Variants in EGFLAM observed in about 807,000 individuals in gnomAD.
EGFLAM encodes the protein pikachurin.
Under a neutral mutation model 113.1 loss-of-function variants are expected in EGFLAM, and 79 were observed. The ratio of observed to expected loss-of-function variants is 0.70; its 90% CI spans 0.58 to 0.84. The LOEUF (loss-of-function observed/expected upper bound fraction) is 0.84. Ranked by LOEUF, EGFLAM falls within the 40% of genes least tolerant of loss-of-function variation. The pLI, the probability that EGFLAM is intolerant of heterozygous loss-of-function variation, is 0.00. For missense variants in EGFLAM, 1,265 were observed against 1,291.6 expected (o/e 0.98, Z 0.32); for synonymous variants, 504 against 487.6 (o/e 1.03, Z -0.44).
rs1210411002 is a variant in EGFLAM, at chr5:38,463,856, A to G, written c.2900A>G (p.His967Arg). The change falls in exon 22 of 22, where the codon CAC becomes CGC. Residue 967 changes from histidine (H) to arginine (R), a missense_variant. Physicochemically the swap from His to Arg is conservative, Grantham distance 29. Transcript: ENST00000322350. The part of the protein sequence containing the change: ...YVGGMKEIAL[H>R]TNRQYMRGLV... Reference sequence around the variant, plus strand: ...GGTGGAATGAAGGAAATTGCTCTGCACACTAACAGGCAATATATGAGAGGG... The same window carrying G: ...GGTGGAATGAAGGAAATTGCTCTGCGCACTAACAGGCAATATATGAGAGGG... 11 of 1,613,920 alleles carry G rather than the reference A, an allele frequency of 6.8e-6. No individual in the cohort carries two copies. Among genetic ancestry groups the G allele is most frequent in the Admixed American group, 1.7e-5 (1 of 60,004 alleles).
At chr5:38,424,919 A>G in intron 12 of EGFLAM, 48 bp from the exon 13 acceptor site, 1 of 1,605,624 alleles carries the variant, frequency 6.2e-7, no homozygotes, top group Non-Finnish European at 8.5e-7. Flanking sequence ...ACTGTGTTGG[A>G]CTGGCACACA....
At chr5:38,278,902 C>A (rs1300104848) in intron 1 of EGFLAM, among the ~76,000 whole-genome samples, 2 of 151,822 alleles carry the variant, frequency 1.3e-5, no homozygotes, top group Non-Finnish European at 2.9e-5. Context: ...TCAAAGGGAA[C>A]AAACATTCAA....
chr5:38,438,185 G>T, intron 16 of EGFLAM, 90 bp from the exon 17 acceptor site: 1 of 1,390,626 alleles, frequency 7.2e-7, no homozygotes, highest in Non-Finnish European at 9.7e-7. Flanking sequence ...CTCCCTATGT[G>T]TAGCTCAGGT....
chr5:38,446,365 C>T (rs1000653919), intron 17 of EGFLAM, among the ~76,000 whole-genome samples: 2 of 152,068 alleles, frequency 1.3e-5, no homozygotes, highest in Non-Finnish European at 2.9e-5. Flanking sequence ...TGCCTTCTCT[C>T]CCGGTTGTCT....
intron 1 of EGFLAM, among the ~76,000 whole-genome samples, chr5:38,277,121 C>T (rs527495073): frequency 6.6e-6 from 1 of 152,224 alleles, no homozygotes; most frequent in Admixed American, 6.5e-5. Flanking sequence ...AGAAAGAAAA[C>T]TACAGGCCAA....
At position 38,448,256 on chromosome 5, in the gene EGFLAM, A is replaced by G. The variant is rs139695630; in HGVS notation, c.2465-45A>G. Reference sequence around the variant, plus strand: ...GCCATGTGTGTGAGTGCAGGGGTCAAGAGAACCACATACTATGTAACCTCC... The same window carrying G: ...GCCATGTGTGTGAGTGCAGGGGTCAGGAGAACCACATACTATGTAACCTCC... On this transcript the variant is annotated intron_variant, in intron 17 of 21. Transcript: ENST00000322350. The G allele has an allele frequency of 1.3e-3, 2,020 of 1,607,898 alleles. 17 individuals carry two copies. In the African/African-American group the frequency reaches 0.02, roughly 16 times the overall value.
At chr5:38,336,818 A>G (rs935854847) in intron 1 of EGFLAM, among the ~76,000 whole-genome samples, 4 of 151,254 alleles carry the variant, frequency 2.6e-5, no homozygotes, top group Admixed American at 6.6e-5. Flanking sequence ...GTATAGAAAC[A>G]CACACACGTA....
intron 5 of EGFLAM, among the ~76,000 whole-genome samples, chr5:38,356,051 C>T (rs749947393): frequency 1.6e-4 from 25 of 152,214 alleles, no homozygotes; most frequent in South Asian, 4.1e-4. Context: ...TGAGCCACTG[C>T]GCCTGGCTTC....
At chr5:38,345,123 A>G (rs1275253076) in intron 3 of EGFLAM, among the ~76,000 whole-genome samples, 1 of 152,178 alleles carries the variant, frequency 6.6e-6, no homozygotes, top group Non-Finnish European at 1.5e-5. Context: ...GATAATTAGA[A>G]CCGTATAAAG....
intron 17 of EGFLAM, 94 bp downstream of exon 17, chr5:38,438,549 A>G: frequency 1.6e-6 from 2 of 1,230,432 alleles, no homozygotes; most frequent in South Asian, 4.0e-5. Context: ...AAGAGTTGTA[A>G]CAGTGGTACA....
intron 1 of EGFLAM, among the ~76,000 whole-genome samples, chr5:38,298,360 A>G (rs1458680100): frequency 1.3e-5 from 2 of 152,132 alleles, no homozygotes; most frequent in Non-Finnish European, 2.9e-5. Flanking sequence ...AAGATGTAAA[A>G]CATCTCAGCT....
rs150293232 is a variant in EGFLAM at position 38,367,221 on chromosome 5, G to C, written c.546-3075G>C. The stretch of plus-strand genomic sequence containing the variant: ...GAGTACATTGGTGCAATCATAGCTC[G>C]CAGCAGCCTCAACCTCCCAAGCTCA... On this transcript the variant is annotated intron_variant, in intron 5 of 21. Coordinates refer to ENST00000322350, the MANE Select transcript of EGFLAM (RefSeq NM_152403.4). Among the ~76,000 whole-genome samples, 20 of 151,356 alleles carry C rather than the reference G, an allele frequency of 1.3e-4. No individual in the cohort carries two copies. In the East Asian group the frequency reaches 3.9e-3, roughly 29 times the overall value.
At chr5:38,428,788 C>T (rs1205049140) in intron 14 of EGFLAM, among the ~76,000 whole-genome samples, 1 of 152,206 alleles carries the variant, frequency 6.6e-6, no homozygotes, top group Non-Finnish European at 1.5e-5. Flanking sequence ...TTATTTTTGA[C>T]ACGAGGTGCT....
At position 38,286,743 on chromosome 5, in the gene EGFLAM, T is replaced by C. The variant is rs898290522; in HGVS notation, c.97+27892T>C. On this transcript the variant is annotated intron_variant, in intron 1 of 21. Transcript: ENST00000322350. ...CTGGATTGAATATCTGAGTTTGGGA[T>C]ACTTTGCCATCGGCACCATCTTGCT... is the stretch of plus-strand genomic sequence containing the variant. 2.0e-5 allele frequency among the ~76,000 whole-genome samples: 3 copies of C among 152,366 alleles called. No individual in the cohort carries two copies. The South Asian group carries it at 6.2e-4, about 32-fold the overall frequency.
intron 6 of EGFLAM, among the ~76,000 whole-genome samples, chr5:38,393,848 G>A (rs1740880934): frequency 6.6e-6 from 1 of 152,252 alleles, no homozygotes; most frequent in African/African-American, 2.4e-5. Flanking sequence ...GGGTCAGGGT[G>A]GCGGCCCCGG....
intron 15 of EGFLAM, among the ~76,000 whole-genome samples, chr5:38,434,590 G>A (rs1000426754): frequency 6.6e-6 from 1 of 152,212 alleles, no homozygotes; most frequent in African/African-American, 2.4e-5. Context: ...GCTCTCAAAT[G>A]TAAGGATTTC....
chr5:38,432,073 A>C (rs1261431665), intron 15 of EGFLAM, among the ~76,000 whole-genome samples: 1 of 152,302 alleles, frequency 6.6e-6, no homozygotes, highest in Middle Eastern at 3.4e-3. Flanking sequence ...GATTTGCTTT[A>C]AACTATAGCC....
chr5:38,417,933 A>G (rs56070719), intron 11 of EGFLAM, 133 bp from the exon 12 acceptor site: 104,021 of 906,696 alleles, frequency 0.11, 6,801 homozygotes, highest in East Asian at 0.22. Flanking sequence ...AAGGTCTTAA[A>G]GATAAATACA....
chr5:38,355,335 A>G (rs1451009124), intron 5 of EGFLAM, among the ~76,000 whole-genome samples: 1 of 152,140 alleles, frequency 6.6e-6, no homozygotes, highest in Non-Finnish European at 1.5e-5. Context: ...TAACTCCTCC[A>G]CATTTTATGA....
Sources: gnomAD v4.1 joint callset for allele counts (sites outside exome capture counted in the v4.1 genomes callset) on GRCh38, gnomAD v4.1.1 for gene constraint, MANE v1.5 for transcripts, NCBI Gene and HGNC (gene_info 2026-07-23, HGNC 2026-07-21) for gene names.